PFKP: variants seen among roughly 807,000 people sequenced by gnomAD.
PFKP encodes the protein phosphofructokinase, platelet.
In PFKP, 101 loss-of-function variants were observed where a neutral mutation model predicts 94.3. The ratio of observed to expected loss-of-function variants is 1.07; its 90% confidence interval spans 0.91 to 1.26. The LOEUF (loss-of-function observed/expected upper bound fraction) is 1.26, where lower values mean the gene tolerates loss of function less well. Ranked by LOEUF, PFKP falls within the 50% of genes most tolerant of loss-of-function variation. PFKP has a pLI of 0.00. For missense variants in PFKP, 1,145 were observed against 1,103.3 expected (o/e 1.04, Z -0.53); for synonymous variants, 573 against 432.6 (o/e 1.32, Z -4.03).
At chr10:3,072,459 C>G (rs1403791866) in intron 1 of PFKP, among the ~76,000 whole-genome samples, 1 of 152,196 alleles carries the variant, frequency 6.6e-6, no homozygotes, top group Non-Finnish European at 1.5e-5. Context: ...TGTGTACATA[C>G]ATTATTTGAT....
intron 2 of PFKP, among the ~76,000 whole-genome samples, chr10:3,083,476 A>G (rs1833245843): frequency 6.6e-6 from 1 of 152,230 alleles, no homozygotes; most frequent in Non-Finnish European, 1.5e-5. Flanking sequence ...CAAAATGGCT[A>G]TTAGTGTTTT....
chr10:3,068,654 G>A (rs367806217), intron 1 of PFKP: 40 of 985,028 alleles, frequency 4.1e-5, no homozygotes, highest in African/African-American at 2.6e-4. Context: ...GGAAGGTGGC[G>A]GAGACTCGGC....
At chr10:3,082,549 C>A in intron 2 of PFKP, 88 bp downstream of exon 2, 1 of 886,312 alleles carries the variant, frequency 1.1e-6, no homozygotes, top group Non-Finnish European at 1.7e-6. Context: ...CCTGCCTCCC[C>A]CATGCTGAGC....
At position 3,091,757 on chromosome 10, in the gene PFKP, G is replaced by C. The variant is rs546445093; in HGVS notation, c.187-7518G>C. ...ACCTAGATTGCGCCACTGCATTCCA[G>C]CCTGGGTGACAGAGCGAGACTGTGT... is the stretch of plus-strand genomic sequence containing the variant. On this transcript the variant is annotated intron_variant, in intron 2 of 21. Coordinates refer to ENST00000381125, the MANE Select transcript of PFKP (RefSeq NM_002627.5). Among the ~76,000 whole-genome samples the C allele has an allele frequency of 2.0e-5, 3 of 152,236 alleles. No homozygotes were observed. In the South Asian group the frequency reaches 6.2e-4, roughly 32 times the overall value.
chr10:3,081,676 C>T (rs948247677), intron 1 of PFKP, among the ~76,000 whole-genome samples: 1 of 152,164 alleles, frequency 6.6e-6, no homozygotes, highest in South Asian at 2.1e-4. Flanking sequence ...CCAAATCCAG[C>T]GGCAGTGGAG....
chr10:3,084,107 T>C (rs1245836308), intron 2 of PFKP, among the ~76,000 whole-genome samples: 5 of 152,210 alleles, frequency 3.3e-5, no homozygotes, highest in Non-Finnish European at 7.3e-5. Context: ...TCAAAGCGAT[T>C]TGATGTTTTG....
chr10:3,113,189 G>C lies in PFKP; in HGVS notation c.1224+1G>C. ...GCTGCCGGATGATCAGATCCCAAAG[G>C]TAGGTGGCCGGCCTCCCGCGATGCC... is the stretch of plus-strand genomic sequence containing the variant. On this transcript the variant is annotated splice_donor_variant, in intron 12 of 21. Transcript: ENST00000381125. LOFTEE classifies it high-confidence loss of function. 2 of 1,610,944 alleles carry C rather than the reference G, an allele frequency of 1.2e-6. No individual in the cohort carries two copies. Among genetic ancestry groups the C allele is most frequent in the Non-Finnish European group, 1.7e-6 (2 of 1,178,656 alleles).
Position 3,118,880 on chromosome 10 carries a change from G to GT in PFKP, c.1530+14dup. 1 of 1,605,032 alleles carries GT rather than the reference G, an allele frequency of 6.2e-7. No individual in the cohort carries two copies. Among genetic ancestry groups the GT allele is most frequent in the South Asian group, 1.1e-5 (1 of 90,504 alleles). On this transcript the variant is annotated intron_variant, in intron 15 of 21. Transcript: ENST00000381125. ...ATCGGTGGATTCGAGGTACGTTACC[G>GT]TTTCTCTCTTGCCGGTCTTGCAGGT...
At chr10:3,116,725 C>G (rs1381389827) in intron 13 of PFKP, 51 bp from the exon 14 acceptor site, 2 of 1,405,088 alleles carry the variant, frequency 1.4e-6, no homozygotes, top group Non-Finnish European at 2.0e-6. Flanking sequence ...CACTTTGCAA[C>G]TTGCCTTTCA....
intron 1 of PFKP, among the ~76,000 whole-genome samples, chr10:3,079,830 C>G (rs75537844): frequency 0.016 from 2,440 of 152,158 alleles, 57 homozygotes; most frequent in African/African-American, 0.055. Flanking sequence ...GTCCACCCTT[C>G]GAGTTGAAGA....
At chr10:3,098,312 G>A (rs1022317223) in intron 2 of PFKP, among the ~76,000 whole-genome samples, 4 of 152,110 alleles carry the variant, frequency 2.6e-5, no homozygotes, top group Admixed American at 6.5e-5. Flanking sequence ...GAAGTTACCC[G>A]TGGGCATTGC....
Position 3,118,888 on chromosome 10 carries a change from C to T in PFKP, c.1530+19C>T, listed in dbSNP as rs1192380418. ...ATTCGAGGTACGTTACCGTTTCTCT[C>T]TTGCCGGTCTTGCAGGTGTGAGCCG... On this transcript the variant is annotated intron_variant, in intron 15 of 21. Coordinates refer to ENST00000381125, the MANE Select transcript of PFKP (RefSeq NM_002627.5). 1 of 1,592,870 alleles carries T rather than the reference C, an allele frequency of 6.3e-7. No individual in the cohort carries two copies. The highest frequency in any genetic ancestry group is 1.7e-4 in the Middle Eastern group (1 of 6,022).
At chr10:3,108,837 G>A in intron 9 of PFKP, 44 bp downstream of exon 9, 1 of 1,398,114 alleles carries the variant, frequency 7.2e-7, no homozygotes, top group Non-Finnish European at 1.0e-6. Flanking sequence ...TCTCTAGGAG[G>A]AAGCGTTTCT....
intron 17 of PFKP, among the ~76,000 whole-genome samples, chr10:3,131,559 C>CA (rs1274884333): frequency 1.6e-4 from 24 of 152,174 alleles, no homozygotes; most frequent in Admixed American, 1.6e-3. Flanking sequence ...TGGGTTTAAG[C>CA]AATTCTCCTG....
chr10:3,095,386 A>G (rs950439775), intron 2 of PFKP, among the ~76,000 whole-genome samples: 2 of 151,710 alleles, frequency 1.3e-5, no homozygotes, highest in Admixed American at 1.3e-4. Flanking sequence ...AGCTCAAAAC[A>G]ATTTCGAATA....
intron 16 of PFKP, chr10:3,125,163 T>A (rs780933851): frequency 7.4e-7 from 1 of 1,350,734 alleles, no homozygotes; most frequent in Admixed American, 2.0e-5. Flanking sequence ...CATCCCCCTG[T>A]GTGTGGTGCC....
chr10:3,091,720 A>G (rs528563159), intron 2 of PFKP, among the ~76,000 whole-genome samples: 92 of 152,278 alleles, frequency 6.0e-4, no homozygotes, highest in African/African-American at 2.1e-3. Context: ...CAGGAGGTGG[A>G]GGTTGCAGTG....
chr10:3,124,490 C>T (rs943242851), intron 16 of PFKP, among the ~76,000 whole-genome samples: 3 of 152,172 alleles, frequency 2.0e-5, no homozygotes, highest in Non-Finnish European at 4.4e-5. Context: ...CTCGCCTGTG[C>T]GGCTTTGTGT....
intron 20 of PFKP, among the ~76,000 whole-genome samples, 189 bp downstream of exon 20, chr10:3,134,771 T>A (rs1238231500): frequency 1.3e-5 from 2 of 152,230 alleles, no homozygotes; most frequent in Non-Finnish European, 2.9e-5. Flanking sequence ...TGGGATAAGA[T>A]CAGCTTGGGT....
Sources: allele counts gnomAD v4.1 joint callset (sites outside exome capture counted in the v4.1 genomes callset), GRCh38; gene constraint gnomAD v4.1.1; transcripts MANE v1.5; gene names NCBI Gene and HGNC (gene_info 2026-07-23, HGNC 2026-07-21).